FAF1: variants seen among roughly 807,000 people sequenced by gnomAD.
The protein encoded by FAF1 is FAS-associated factor 1.
FAF1 carries 25 observed loss-of-function variants against 92.5 expected under a neutral mutation model. The observed-to-expected ratio is 0.27, with a 90% CI of 0.20 to 0.38. FAF1 has a LOEUF of 0.38. Ranked by LOEUF, FAF1 falls within the 10% of genes least tolerant of loss-of-function variation. The probability of loss-of-function intolerance (pLI) is 1.00; values close to 1 mark genes in which losing one functional copy is unlikely to be tolerated. For missense variants in FAF1, 636 were observed against 793.3 expected, an observed-to-expected ratio of 0.80 and a Z score of 2.38; for synonymous variants, 234 against 273.2, an observed-to-expected ratio of 0.86 and a Z score of 1.42.
intron 7 of FAF1, among the ~76,000 whole-genome samples, chr1:50,659,038 T>C (rs914102282): frequency 2.6e-5 from 4 of 151,976 alleles, no homozygotes; most frequent in Non-Finnish European, 5.9e-5. Flanking sequence ...AAAATTGAAA[T>C]CATAATCCTG....
chr1:50,498,319 A>G (rs748684929), intron 15 of FAF1, among the ~76,000 whole-genome samples: 66 of 152,188 alleles, frequency 4.3e-4, no homozygotes, highest in Non-Finnish European at 8.2e-4. Context: ...AGATAAAAAC[A>G]TAGGTGAAAA....
intron 1 of FAF1, among the ~76,000 whole-genome samples, chr1:50,872,591 G>C (rs1395658369): frequency 1.3e-5 from 2 of 152,128 alleles, no homozygotes; most frequent in Non-Finnish European, 2.9e-5. Context: ...AGAAGCTCTA[G>C]TTTGTGTAAA....
intron 7 of FAF1, among the ~76,000 whole-genome samples, chr1:50,677,843 C>T (rs983423245): frequency 2.1e-5 from 3 of 141,012 alleles, no homozygotes; most frequent in African/African-American, 5.5e-5. Context: ...TGTGGTGAGC[C>T]GAGATTACAC....
In FAF1 at chr1:50,587,569, G is replaced by A. The variant is rs1572852068; in HGVS notation, c.841-2758C>T. Among the ~76,000 whole-genome samples the A allele has an allele frequency of 8.6e-5, 13 of 151,918 alleles. No homozygotes were observed. In the South Asian group the frequency reaches 2.7e-3, roughly 32 times the overall value. ...TAGATAATCTCTCGGTATCTGTCAT[G>A]GCTGCCCTAAAATTCTTTAAATCCA... On this transcript the variant is annotated intron_variant, in intron 9 of 18. Transcript: ENST00000396153.
chr1:50,581,216 G>A (rs1410516327), intron 12 of FAF1, among the ~76,000 whole-genome samples: 2 of 152,088 alleles, frequency 1.3e-5, no homozygotes, highest in Admixed American at 1.3e-4. Flanking sequence ...GGGCTATTCT[G>A]CTATTCTTAG....
At chr1:50,801,355 C>G (rs1661981078) in intron 3 of FAF1, among the ~76,000 whole-genome samples, 1 of 152,180 alleles carries the variant, frequency 6.6e-6, no homozygotes, top group Non-Finnish European at 1.5e-5. Context: ...CAGTTCCTTT[C>G]ATCTTATAAA....
At chr1:50,525,759 A>C (rs1018792102) in intron 15 of FAF1, among the ~76,000 whole-genome samples, 18 of 152,078 alleles carry the variant, frequency 1.2e-4, no homozygotes, top group Non-Finnish European at 1.9e-4. Flanking sequence ...TTTATGATGA[A>C]AGGGTGTGGA....
intron 4 of FAF1, among the ~76,000 whole-genome samples, chr1:50,776,654 T>C (rs1167546073): frequency 1.3e-5 from 2 of 151,860 alleles, no homozygotes; most frequent in Admixed American, 6.6e-5. Flanking sequence ...ATTTAATATA[T>C]AATTGCATTC....
intron 15 of FAF1, among the ~76,000 whole-genome samples, chr1:50,523,350 C>T (rs756851067): frequency 6.6e-6 from 1 of 152,112 alleles, no homozygotes; most frequent in African/African-American, 2.4e-5. Flanking sequence ...AACTGTTTTC[C>T]ATAGCAGCTG....
rs1381263607 is a variant in FAF1 at position 50,745,713 on chromosome 1, G to T, written c.368-938C>A. ...CTTCCTATAAAGTCCATGGAACAGT[G>T]AGACAATTAAACTCTTTTTCTTTAC... On this transcript the variant is annotated intron_variant, in intron 4 of 18. Transcript: ENST00000396153. Among the ~76,000 whole-genome samples, 3 of 152,274 alleles carry T rather than the reference G, an allele frequency of 2.0e-5. No homozygotes were observed. The East Asian group carries it at 5.8e-4, about 29-fold the overall frequency.
chr1:50,893,896 C>T (rs899049466), intron 1 of FAF1, among the ~76,000 whole-genome samples: 133 of 152,254 alleles, frequency 8.7e-4, no homozygotes, highest in African/African-American at 3.1e-3. Context: ...AACTGGCACT[C>T]AAACCACAAG....
chr1:50,708,420 A>G (rs940065850), intron 6 of FAF1, among the ~76,000 whole-genome samples: 26 of 152,176 alleles, frequency 1.7e-4, no homozygotes, highest in African/African-American at 6.0e-4. Flanking sequence ...TTAACAAGAA[A>G]AAGTGGAGTA....
At chr1:50,882,599 CTTAA>C (rs1412654312) in intron 1 of FAF1, among the ~76,000 whole-genome samples, 4 of 121,350 alleles carry the variant, frequency 3.3e-5, no homozygotes, top group East Asian at 2.2e-4. Flanking sequence ...AAGACTCTGT[CTTAA>C]ATAAATAAAT....
intron 5 of FAF1, among the ~76,000 whole-genome samples, chr1:50,744,267 T>C (rs1266945646): frequency 2.6e-5 from 4 of 152,208 alleles, no homozygotes; most frequent in African/African-American, 9.7e-5. Context: ...TTTCCTATTA[T>C]CTTTGTTCCA....
At position 50,640,829 on chromosome 1, in the gene FAF1, A is replaced by ATTTTT. The variant is rs71059592; in HGVS notation, c.744+14608_744+14612dup. 1.4e-3 allele frequency among the ~76,000 whole-genome samples: 120 copies of ATTTTT among 88,510 alleles called. 2 individuals are homozygous for ATTTTT. The highest frequency in any genetic ancestry group is 2.4e-3 in the East Asian group (7 of 2,914). 58.1% of individuals were successfully genotyped at this position (88,510 alleles called of 152,430 possible). ...AGTCTAGCTAGGAGTTTATCAGCTG[A>ATTTTT]TTTTTTTTTTTTTTTTTTTTTTTGA... is the stretch of plus-strand genomic sequence containing the variant. On this transcript the variant is annotated intron_variant, in intron 8 of 18. Transcript: ENST00000396153.
intron 2 of FAF1, among the ~76,000 whole-genome samples, chr1:50,809,084 G>T (rs1347918893): frequency 2.0e-5 from 3 of 152,042 alleles, no homozygotes; most frequent in Admixed American, 6.6e-5. Flanking sequence ...GATCATCAAA[G>T]ATACAATATA....
At position 50,642,204 on chromosome 1, in the gene FAF1, GAAAAAAA is replaced by G. The variant is rs1199936049; in HGVS notation, c.744+13231_744+13237del. On this transcript the variant is annotated intron_variant, in intron 8 of 18. Transcript: ENST00000396153. The stretch of plus-strand genomic sequence containing the variant: ...GGCAACAAAGTGACACTTTGTCTCA[GAAAAAAA>G]AAAAAAAAAAAATCCTTGTTCTGTA... Among the ~76,000 whole-genome samples, 88 of 78,506 alleles carry G rather than the reference GAAAAAAA, an allele frequency of 1.1e-3. 1 individual carries two copies. The South Asian group carries it at 0.033, about 30-fold the overall frequency. 51.5% of individuals were successfully genotyped at this position (78,506 alleles called of 152,430 possible). A position where few individuals can be genotyped will look rare whatever the true frequency, so the allele number is the denominator to read the frequency against.
At chr1:50,484,334 T>C (rs1646736546) in intron 17 of FAF1, among the ~76,000 whole-genome samples, 1 of 152,172 alleles carries the variant, frequency 6.6e-6, no homozygotes, top group African/African-American at 2.4e-5. Flanking sequence ...TAAAGAACAG[T>C]CTGTAGGCTG....
At chr1:50,908,578 T>G (rs1420422899) in intron 1 of FAF1, among the ~76,000 whole-genome samples, 5 of 152,208 alleles carry the variant, frequency 3.3e-5, no homozygotes, top group Non-Finnish European at 7.4e-5. Flanking sequence ...CACATATATT[T>G]AGGATAGTTA....
Sources: allele counts gnomAD v4.1 joint callset (sites outside exome capture counted in the v4.1 genomes callset), GRCh38; gene constraint gnomAD v4.1.1; transcripts MANE v1.5; gene names NCBI Gene and HGNC (gene_info 2026-07-23, HGNC 2026-07-21).